PPAT: variants seen among roughly 807,000 people sequenced by gnomAD.
PPAT encodes amidophosphoribosyltransferase.
In PPAT, 20 loss-of-function variants were observed where a neutral mutation model predicts 60.2. The observed-to-expected ratio is 0.33, with a 90% CI of 0.23 to 0.48. The LOEUF is 0.48. Among genes scored for constraint, PPAT ranks in the 20% least tolerant of loss-of-function variants. The pLI is 0.99. For missense variants in PPAT, 349 were observed against 629.6 expected (o/e 0.55, Z 4.77); for synonymous variants, 194 against 215.1 (o/e 0.90, Z 0.86).
intron 1 of PPAT, among the ~76,000 whole-genome samples, chr4:56,418,259 C>G (rs1716871984): frequency 6.6e-6 from 1 of 152,166 alleles, no homozygotes; most frequent in Admixed American, 6.5e-5. Flanking sequence ...GCAGTGGTCT[C>G]TCCACTACAC....
rs780665582 is a variant in PPAT at position 56,406,528 on chromosome 4, G to A, written c.369C>T (p.Gly123=). ...LHGKIAVAHN[G]ELVNAARLRK... ...TTAATCGAGCAGCATTTACCAATTC[G>A]CCATTATGTGCCACAGCTATCTTCC... Residue 123 remains glycine, a synonymous_variant, in exon 3 of 11, where the codon GGC becomes GGT. Coordinates refer to ENST00000264220, the MANE Select transcript of PPAT (RefSeq NM_002703.5). The A allele has an allele frequency of 3.4e-5, 55 of 1,612,324 alleles. No individual in the cohort carries two copies. The highest frequency in any genetic ancestry group is 4.5e-5 in the Non-Finnish European group (53 of 1,179,938).
chr4:56,432,003 A>G (rs1029495893), intron 1 of PPAT, among the ~76,000 whole-genome samples: 24 of 152,340 alleles, frequency 1.6e-4, no homozygotes, highest in African/African-American at 5.8e-4. Context: ...CAGAACTACT[A>G]AAAACGGGGA....
intron 1 of PPAT, among the ~76,000 whole-genome samples, chr4:56,427,648 A>AT (rs1373299382): frequency 6.6e-6 from 1 of 151,454 alleles, no homozygotes; most frequent in Non-Finnish European, 1.5e-5. Context: ...CTCTTAAAAA[A>AT]AAAAAAAAAA....
At chr4:56,399,902 T>C (rs543662674) in intron 8 of PPAT, 2 of 152,942 alleles carry the variant, frequency 1.3e-5, no homozygotes, top group African/African-American at 4.8e-5. Context: ...TTACTACAGT[T>C]ACACCATCTA....
At chr4:56,406,839 A>T (rs886942798) in intron 2 of PPAT, 138 bp from the exon 3 acceptor site, 23 of 677,812 alleles carry the variant, frequency 3.4e-5, no homozygotes, top group African/African-American at 2.7e-4. Context: ...ATTCTAATCT[A>T]AAAAAAAGTC....
chr4:56,398,319 G>C (rs1418797620), intron 9 of PPAT, among the ~76,000 whole-genome samples: 2 of 152,068 alleles, frequency 1.3e-5, no homozygotes, highest in African/African-American at 2.4e-5. Context: ...GCAGTGAGTT[G>C]AGATGGTGCC....
chr4:56,410,925 A>G lies in PPAT; in HGVS notation c.129-3209T>C, dbSNP rs1716430292. The G allele has an allele frequency of 3.3e-5, 29 of 889,690 alleles. 1 individual carries two copies. The highest frequency in any genetic ancestry group is 4.9e-4 in the Middle Eastern group (1 of 2,024). 55.1% of individuals were successfully genotyped at this position (889,690 alleles called of 1,614,324 possible). A position where few individuals can be genotyped will look rare whatever the true frequency, so the allele number is the denominator to read the frequency against. On this transcript the variant is annotated intron_variant, in intron 1 of 10. Transcript: ENST00000264220. ...AAAAAAAAAAAAAAAAAAAAAAAAA[A>G]AAAGAAAAGTACTCTTGTTTTTCTT...
In PPAT at chr4:56,410,519, G is replaced by T. The variant is rs147507167; in HGVS notation, c.129-2803C>A. ...TCATTTCCAGGTCACTTTCAACATG[G>T]AGAGTGGAGCAGGAAAGCACTGGAC... On this transcript the variant is annotated intron_variant, in intron 1 of 10. Transcript: ENST00000264220. 1.2e-4 allele frequency: 123 copies of T among 986,574 alleles called. No homozygotes were observed. The African/African-American group carries it at 2.0e-3, about 16-fold the overall frequency. 61.1% of individuals were successfully genotyped at this position (986,574 alleles called of 1,614,324 possible).
At chr4:56,414,726 A>C (rs1023426693) in intron 1 of PPAT, among the ~76,000 whole-genome samples, 1 of 152,216 alleles carries the variant, frequency 6.6e-6, no homozygotes, top group South Asian at 2.1e-4. Flanking sequence ...ACTCTAAACC[A>C]GGTAATAGAA....
At chr4:56,419,972 A>G (rs1560646800) in intron 1 of PPAT, 1 of 985,240 alleles carries the variant, frequency 1.0e-6, no homozygotes, top group African/African-American at 1.7e-5. Flanking sequence ...AAACAGAAAA[A>G]TCACGAGACC....
intron 3 of PPAT, among the ~76,000 whole-genome samples, chr4:56,404,363 CATTG>C (rs1164142548): frequency 6.6e-6 from 1 of 152,186 alleles, no homozygotes; most frequent in South Asian, 2.1e-4. Context: ...TACCCATCCT[CATTG>C]ATTATTACTG....
intron 1 of PPAT, chr4:56,422,399 A>C (rs1032365235): frequency 6.6e-6 from 1 of 152,206 alleles, no homozygotes; most frequent in Non-Finnish European, 1.5e-5. Flanking sequence ...TCAGTCAGTA[A>C]TAAGTCAGAA....
At chr4:56,395,996 G>C (rs1715959089) in intron 10 of PPAT, among the ~76,000 whole-genome samples, 1 of 152,152 alleles carries the variant, frequency 6.6e-6, no homozygotes, top group Non-Finnish European at 1.5e-5. Flanking sequence ...TTCTGGCAAA[G>C]TGTGAGTGCT....
Position 56,396,694 on chromosome 4 carries a change from T to C in PPAT, c.1282A>G (p.Met428Val). The change falls in exon 10 of 11, where the codon ATG (methionine) becomes GTG (valine). Residue 428 changes from methionine (M) to valine (V), a missense_variant. Around this residue, in one of 5 missense-constraint regions of PPAT, gnomAD observed 167 missense variants for 328.6 expected, o/e 0.51. Transcript: ENST00000264220. This position sits in a 1 kb window ranked among gnomAD's most constrained non-coding sequence, Gnocchi z 4.6. The stretch of plus-strand genomic sequence containing the variant: ...TCTTTTGTAGGAATGTTTATTCCCA[T>C]GAAGCATGGATATTTAATTGGTGGT... The part of the protein sequence containing the change: ...ASPPIKYPCF[M>V]GINIPTKEEL... 1 of 1,611,232 alleles carries C rather than the reference T, an allele frequency of 6.2e-7. No homozygotes were observed. The highest frequency in any genetic ancestry group is 8.5e-7 in the Non-Finnish European group (1 of 1,177,742).
chr4:56,435,284 C>T, intron 1 of PPAT, 66 bp downstream of exon 1: 1 of 1,601,188 alleles, frequency 6.2e-7, no homozygotes, highest in Non-Finnish European at 8.5e-7. Context: ...ATGAGAACGC[C>T]GACTGCGGGA....
At chr4:56,429,014 C>A (rs1381559026) in intron 1 of PPAT, 18 of 950,344 alleles carry the variant, frequency 1.9e-5, no homozygotes, top group Non-Finnish European at 2.3e-5. Context: ...TGGTAAGAGC[C>A]AGAGAAATAA....
At chr4:56,424,385 T>C (rs1717189027) in intron 1 of PPAT, among the ~76,000 whole-genome samples, 1 of 152,190 alleles carries the variant, frequency 6.6e-6, no homozygotes, top group South Asian at 2.1e-4. Flanking sequence ...CTGGAAACCG[T>C]AGCTAGGTTA....
At chr4:56,412,899 C>T (rs1235864938) in intron 1 of PPAT, among the ~76,000 whole-genome samples, 2 of 152,114 alleles carry the variant, frequency 1.3e-5, no homozygotes, top group Non-Finnish European at 2.9e-5. Context: ...ATTATAAGCA[C>T]ATTAACATTT....
At chr4:56,407,088 AT>A (rs905873266) in intron 2 of PPAT, among the ~76,000 whole-genome samples, 56 of 152,222 alleles carry the variant, frequency 3.7e-4, no homozygotes, top group African/African-American at 1.2e-3. Flanking sequence ...CATTAAAAAA[AT>A]CAAAGCATCT....
Sources: gnomAD v4.1 joint callset for allele counts (sites outside exome capture counted in the v4.1 genomes callset) on GRCh38, gnomAD v4.1.1 for gene constraint, gnomAD v4.1.1 regional missense constraint, Gnocchi (gnomAD v3.1) non-coding constraint, MANE v1.5 for transcripts, NCBI Gene and HGNC (gene_info 2026-07-23, HGNC 2026-07-21) for gene names.